Variants in SLC66A3 observed in about 807,000 individuals in gnomAD.
The protein encoded by SLC66A3 is solute carrier family 66 member 3, also known as PQ loop repeat containing 3.
Under a neutral mutation model 25.5 loss-of-function variants are expected in SLC66A3, and 23 were observed. The observed-to-expected ratio is 0.90, with a 90% CI of 0.65 to 1.28. SLC66A3 has a LOEUF of 1.28. Among genes scored for constraint, SLC66A3 ranks in the 50% most tolerant of loss-of-function variants. The pLI is 0.00. For synonymous variants in SLC66A3, 108 were observed against 112.6 expected (o/e 0.96, Z 0.26); for missense variants, 246 against 262.1 (o/e 0.94, Z 0.42).
chr2:11,162,179 G>C (rs1662150690), intron 3 of SLC66A3, among the ~76,000 whole-genome samples: 1 of 152,182 alleles, frequency 6.6e-6, no homozygotes, highest in Non-Finnish European at 1.5e-5. Context: ...TTTTACTAGA[G>C]GCGAGGCTCT....
chr2:11,158,680 A>G (rs1057221643), intron 1 of SLC66A3, among the ~76,000 whole-genome samples: 3 of 151,932 alleles, frequency 2.0e-5, no homozygotes, highest in Non-Finnish European at 4.4e-5. Context: ...GAAATTAGCC[A>G]GGTGTAGTGG....
chr2:11,172,616 TAGA>T (rs1244189886), intron 5 of SLC66A3: 1 of 218,078 alleles, frequency 4.6e-6, no homozygotes, highest in Non-Finnish European at 9.9e-6. Flanking sequence ...ATATTTTAAG[TAGA>T]CTTCATCATG....
intron 1 of SLC66A3, 55 bp from the exon 2 acceptor site, chr2:11,160,411 C>A: frequency 1.3e-6 from 2 of 1,513,084 alleles, no homozygotes; most frequent in Non-Finnish European, 1.8e-6. Flanking sequence ...GCCTGCCAGG[C>A]CCCGACAGCT....
intron 3 of SLC66A3, among the ~76,000 whole-genome samples, chr2:11,163,458 C>T (rs567989867): frequency 1.3e-5 from 2 of 152,316 alleles, no homozygotes; most frequent in East Asian, 3.9e-4. Context: ...ACTTTTAGCA[C>T]AGGGCATTGT....
At position 11,177,853 on chromosome 2, in the gene SLC66A3, T is replaced by A. The variant is rs1662819825; in HGVS notation, c.*25T>A. 7.2e-7 allele frequency: 1 copy of A among 1,394,580 alleles called. No homozygotes were observed. Among genetic ancestry groups the A allele is most frequent in the South Asian group, 1.2e-5 (1 of 81,870 alleles). The allele number at this position is 1,394,580 out of a possible 1,614,324, so 86.4% of individuals were successfully genotyped here. ...ATGGATACATTATTCCTTCACACAG[T>A]GGATTTTGAGTAACTGAACCAAAGG... On this transcript the variant is annotated 3_prime_UTR_variant, in exon 7 of 7. Transcript: ENST00000295083.
chr2:11,175,402 C>T (rs1408380182), intron 6 of SLC66A3, among the ~76,000 whole-genome samples: 2 of 152,138 alleles, frequency 1.3e-5, no homozygotes, highest in Non-Finnish European at 2.9e-5. Flanking sequence ...GAAGAGTGAT[C>T]GTAAGGATGA....
chr2:11,165,276 G>A (rs1662287694), intron 4 of SLC66A3, among the ~76,000 whole-genome samples: 1 of 138,298 alleles, frequency 7.2e-6, no homozygotes, highest in South Asian at 2.1e-4. Context: ...GGCGGCTGCC[G>A]GGCAGAGGGG....
intron 5 of SLC66A3, among the ~76,000 whole-genome samples, chr2:11,174,019 A>T (rs1007565453): frequency 1.3e-4 from 20 of 152,144 alleles, no homozygotes; most frequent in African/African-American, 4.6e-4. Context: ...TAGTGGCATG[A>T]TCTCGGCTCA....
chr2:11,167,146 A>G (rs1348547495), intron 4 of SLC66A3, among the ~76,000 whole-genome samples: 2 of 152,126 alleles, frequency 1.3e-5, no homozygotes, highest in Non-Finnish European at 2.9e-5. Flanking sequence ...GTGTTGAGAT[A>G]CAGGCTTGTC....
chr2:11,160,343 A>G, intron 1 of SLC66A3, 123 bp from the exon 2 acceptor site: 1 of 784,166 alleles, frequency 1.3e-6, no homozygotes, highest in Non-Finnish European at 2.3e-6. Context: ...CCTCTTTGAC[A>G]CTGGCGTGTC....
intron 6 of SLC66A3, among the ~76,000 whole-genome samples, chr2:11,176,863 CT>C (rs1662771601): frequency 6.7e-6 from 1 of 148,926 alleles, no homozygotes. Context: ...CAGCTAAAAT[CT>C]TACATGTGTT....
intron 4 of SLC66A3, among the ~76,000 whole-genome samples, chr2:11,168,199 G>A (rs1164906076): frequency 6.6e-6 from 1 of 151,718 alleles, no homozygotes; most frequent in East Asian, 1.9e-4. Flanking sequence ...GCAGGAGAAT[G>A]GCGTGAACCC....
intron 3 of SLC66A3, among the ~76,000 whole-genome samples, chr2:11,162,390 A>G (rs564438428): frequency 6.6e-6 from 1 of 152,336 alleles, no homozygotes; most frequent in East Asian, 1.9e-4. Flanking sequence ...AAAGAGTTAC[A>G]TAATTTACTT....
intron 6 of SLC66A3, among the ~76,000 whole-genome samples, chr2:11,177,329 G>A (rs1326138565): frequency 6.6e-6 from 1 of 152,082 alleles, no homozygotes; most frequent in East Asian, 1.9e-4. Flanking sequence ...GCGTGGTGGT[G>A]GGCACCTGTC....
At chr2:11,171,178 T>C (rs897627624) in intron 4 of SLC66A3, among the ~76,000 whole-genome samples, 2 of 152,010 alleles carry the variant, frequency 1.3e-5, no homozygotes, top group Admixed American at 6.5e-5. Context: ...ATTAGCCAGG[T>C]GTGGTGGCAC....
intron 1 of SLC66A3, among the ~76,000 whole-genome samples, chr2:11,156,823 C>T (rs1661921422): frequency 6.6e-6 from 1 of 152,102 alleles, no homozygotes; most frequent in African/African-American, 2.4e-5. Flanking sequence ...GAGAGGCACC[C>T]AGGGGAGGTG....
rs569085255 is a variant in SLC66A3 at position 11,160,309 on chromosome 2, T to C, written c.144-157T>C. 63 of 660,560 alleles carry C rather than the reference T, an allele frequency of 9.5e-5. No individual in the cohort carries two copies. The African/African-American group carries it at 1.1e-3, about 11-fold the overall frequency. The allele number at this position is 660,560 out of a possible 1,614,324, so 40.9% of individuals were successfully genotyped here. ...AATTGTACAGATGATTCAACTGAATTCCATCTATTTTGTTCTAAACCTTCC... is the reference window on the plus strand; with the variant it reads ...AATTGTACAGATGATTCAACTGAATCCCATCTATTTTGTTCTAAACCTTCC... On this transcript the variant is annotated intron_variant, in intron 1 of 6. Transcript: ENST00000295083.
intron 5 of SLC66A3, among the ~76,000 whole-genome samples, chr2:11,172,589 G>T (rs1175860232): frequency 6.6e-6 from 1 of 152,076 alleles, no homozygotes; most frequent in African/African-American, 2.4e-5. Context: ...CACATTAGTT[G>T]GATTTACTAG....
chr2:11,164,284 AAGT>A (rs1306402007), intron 4 of SLC66A3, 23 bp downstream of exon 4: 4 of 1,332,220 alleles, frequency 3.0e-6, no homozygotes, highest in African/African-American at 1.5e-5. Flanking sequence ...CTTGAAAAGA[AAGT>A]AGGAGGAATA....
Sources: allele counts gnomAD v4.1 joint callset (sites outside exome capture counted in the v4.1 genomes callset), GRCh38; gene constraint gnomAD v4.1.1; transcripts MANE v1.5; gene names NCBI Gene and HGNC (gene_info 2026-07-23, HGNC 2026-07-21).